C5orf63: variants seen among roughly 807,000 people sequenced by gnomAD.
The protein encoded by C5orf63 is chromosome 5 open reading frame 63.
A neutral mutation model predicts 13.3 loss-of-function variants in C5orf63; 18 were observed. That is an observed-to-expected ratio of 1.36 (90% CI 0.94 to 2.01). The LOEUF is 2.01. Among genes scored for constraint, C5orf63 ranks in the 30% most tolerant of loss-of-function variants. The pLI, the probability that C5orf63 is intolerant of heterozygous loss-of-function variation, is 0.00. For synonymous variants in C5orf63, 38 were observed against 44.7 expected, an observed-to-expected ratio of 0.85 and a Z score of 0.60; for missense variants, 118 against 127.7, an observed-to-expected ratio of 0.92 and a Z score of 0.36.
chr5:127,053,500 T>C (rs543408257), intron 3 of C5orf63, among the ~76,000 whole-genome samples: 1 of 152,208 alleles, frequency 6.6e-6, no homozygotes, highest in East Asian at 1.9e-4. Flanking sequence ...TTGTTACACA[T>C]GTATACATGT....
chr5:127,059,115 T>C (rs1208309818), intron 2 of C5orf63, 113 bp from the exon 3 acceptor site: 4 of 713,170 alleles, frequency 5.6e-6, no homozygotes, highest in Non-Finnish European at 9.6e-6. Context: ...GAATTGTTTC[T>C]TCAAGTCCAG....
chr5:127,072,801 T>C (rs1261117012), intron 1 of C5orf63, among the ~76,000 whole-genome samples: 1 of 152,228 alleles, frequency 6.6e-6, no homozygotes, highest in Non-Finnish European at 1.5e-5. Flanking sequence ...TTTTCTACCC[T>C]TGGACTTATT....
chr5:127,050,794 C>A (rs575276476), downstream of C5orf63, among the ~76,000 whole-genome samples: 149 of 152,286 alleles, frequency 9.8e-4, no homozygotes, highest in Non-Finnish European at 1.7e-3. Flanking sequence ...TATCCAAATT[C>A]ATTCAAATAG....
exon 5 of C5orf63, chr5:127,046,009 T>C (rs1753513337): frequency 6.6e-6 from 1 of 152,240 alleles, no homozygotes; most frequent in Non-Finnish European, 1.5e-5. Context: ...TCAAGATTAG[T>C]ATTCTCCATG....
At chr5:127,058,487 A>G (rs1753971191) in intron 3 of C5orf63, among the ~76,000 whole-genome samples, 1 of 152,212 alleles carries the variant, frequency 6.6e-6, no homozygotes, top group Non-Finnish European at 1.5e-5. Context: ...AAATATTATG[A>G]CCAGAGACTC....
intron 4 of C5orf63, 153 bp downstream of exon 4, chr5:127,052,460 A>T (rs1753715280): frequency 2.0e-6 from 1 of 501,086 alleles, no homozygotes; most frequent in Non-Finnish European, 3.2e-6. Flanking sequence ...GTTTTATGGT[A>T]ATAAGCACTA....
At chr5:127,050,135 T>C (rs1389307619), downstream of C5orf63, among the ~76,000 whole-genome samples, 1 of 152,174 alleles carries the variant, frequency 6.6e-6, no homozygotes, top group Non-Finnish European at 1.5e-5. Flanking sequence ...GCCAGGATAA[T>C]TTCCCTTTTG....
intron 3 of C5orf63, among the ~76,000 whole-genome samples, chr5:127,055,826 TTTCTG>T (rs1353116912): frequency 6.6e-6 from 1 of 152,184 alleles, no homozygotes; most frequent in Admixed American, 6.5e-5. Flanking sequence ...TAGATTGGGT[TTTCTG>T]TTTTGTTTTG....
At chr5:127,061,621 T>C (rs1452181970) in intron 2 of C5orf63, among the ~76,000 whole-genome samples, 1 of 152,244 alleles carries the variant, frequency 6.6e-6, no homozygotes, top group Non-Finnish European at 1.5e-5. Context: ...CATATTTTTA[T>C]AGATTCAGCA....
At chr5:127,068,464 G>A (rs1754409459) in intron 2 of C5orf63, among the ~76,000 whole-genome samples, 1 of 152,120 alleles carries the variant, frequency 6.6e-6, no homozygotes, top group South Asian at 2.1e-4. Context: ...GTGACACTAA[G>A]GCACTCATCT....
intron 3 of C5orf63, among the ~76,000 whole-genome samples, chr5:127,055,051 G>GTTATTTCTGTAGA (rs1172300793): frequency 1.3e-5 from 2 of 152,152 alleles, no homozygotes; most frequent in Non-Finnish European, 2.9e-5. Context: ...GGTTGTAGAT[G>GTTATTTCTGTAGA]TGTAGTATTA....
At chr5:127,066,978 G>A (rs898377154) in intron 2 of C5orf63, among the ~76,000 whole-genome samples, 3 of 152,186 alleles carry the variant, frequency 2.0e-5, no homozygotes, top group African/African-American at 7.2e-5. Flanking sequence ...ATGAGGGCTT[G>A]TCTAGAACAG....
chr5:127,048,334 C>A (rs1023148846), downstream of C5orf63, among the ~76,000 whole-genome samples: 2 of 151,756 alleles, frequency 1.3e-5, no homozygotes, highest in African/African-American at 4.8e-5. Context: ...GAAACAGCAT[C>A]AGCTGCCTTC....
downstream of C5orf63, chr5:127,044,410 G>C (rs558119160): frequency 6.6e-6 from 1 of 152,164 alleles, no homozygotes; most frequent in East Asian, 1.9e-4. Context: ...CAGAGGTTTA[G>C]CTTTGGTAGT....
intron 3 of C5orf63, among the ~76,000 whole-genome samples, chr5:127,056,816 G>T (rs1360045031): frequency 6.6e-6 from 1 of 152,186 alleles, no homozygotes; most frequent in East Asian, 1.9e-4. Flanking sequence ...ACTCTGGGAA[G>T]TACTTTCTAT....
chr5:127,072,551 A>T (rs1171753026), intron 1 of C5orf63, among the ~76,000 whole-genome samples: 2 of 152,200 alleles, frequency 1.3e-5, no homozygotes, highest in Admixed American at 6.5e-5. Flanking sequence ...AATGCGCTAG[A>T]AAGTATTGGG....
intron 3 of C5orf63, among the ~76,000 whole-genome samples, chr5:127,054,580 A>G (rs952016631): frequency 2.6e-5 from 4 of 151,592 alleles, no homozygotes; most frequent in Non-Finnish European, 5.9e-5. Flanking sequence ...TTTTGATGGG[A>G]TTGTTTGATT....
rs1006329141 is a variant in C5orf63 at position 127,071,616 on chromosome 5, T to C, written c.-40A>G. 7.2e-4 allele frequency: 110 copies of C among 152,238 alleles called. 1 individual carries two copies. The highest frequency in any genetic ancestry group is 2.5e-3 in the African/African-American group (105 of 41,454). The allele number at this position is 152,238 out of a possible 1,614,324, so 9.4% of individuals were successfully genotyped here. A position where few individuals can be genotyped will look rare whatever the true frequency, so the allele number is the denominator to read the frequency against. On this transcript the variant is annotated 5_prime_UTR_variant, in exon 2 of 5. Transcript: ENST00000296662. ...AGATGATTTCTCCCCTTCGAAATAA[T>C]TGCAAACAAGATTAAAACTGTATTC... is the stretch of plus-strand genomic sequence containing the variant.
At chr5:127,049,644 C>T (rs570962064), downstream of C5orf63, among the ~76,000 whole-genome samples, 14 of 152,324 alleles carry the variant, frequency 9.2e-5, no homozygotes, top group East Asian at 1.2e-3. Flanking sequence ...TCACCTACTA[C>T]GGTGCTTCAA....
Sources: gnomAD v4.1 joint callset for allele counts (sites outside exome capture counted in the v4.1 genomes callset) on GRCh38, gnomAD v4.1.1 for gene constraint, MANE v1.5 for transcripts, NCBI Gene and HGNC (gene_info 2026-07-23, HGNC 2026-07-21) for gene names.